Variants in BAHCC1 observed in about 807,000 individuals in gnomAD.
BAHCC1 encodes the protein BAH domain and coiled-coil containing 1, also known as BAH and coiled-coil domain-containing protein 1.
Under a neutral mutation model 88.2 loss-of-function variants are expected in BAHCC1, and 43 were observed. The ratio of observed to expected loss-of-function variants is 0.49; its 90% confidence interval spans 0.38 to 0.63. The LOEUF is 0.63. BAHCC1 is among the 20% of genes least tolerant of loss of function. BAHCC1 has a pLI of 0.00. For missense variants in BAHCC1, 3,023 were observed against 1,654.8 expected (o/e 1.83, Z -14.34); for synonymous variants, 1,510 against 745.5 (o/e 2.03, Z -16.71).
chr17:81,429,842 C>A (rs1362506887), intron 3 of BAHCC1, among the ~76,000 whole-genome samples: 1 of 152,168 alleles, frequency 6.6e-6, no homozygotes, highest in South Asian at 2.1e-4. Flanking sequence ...CCCCAGGAAC[C>A]CCCCATGCCA....
At chr17:81,449,109 C>T (rs577859800) in intron 11 of BAHCC1, among the ~76,000 whole-genome samples, 134 of 152,312 alleles carry the variant, frequency 8.8e-4, no homozygotes, top group Middle Eastern at 3.4e-3. Flanking sequence ...CCGTTCACTG[C>T]ATGAATACTC....
At chr17:81,419,787 GC>G (rs1458040671) in intron 2 of BAHCC1, among the ~76,000 whole-genome samples, 1 of 119,242 alleles carries the variant, frequency 8.4e-6, no homozygotes, top group Admixed American at 8.7e-5. Context: ...TCTCAACGAG[GC>G]GTTTTTTTTT....
chr17:81,415,845 T>C (rs1390562712), intron 2 of BAHCC1, among the ~76,000 whole-genome samples: 1 of 152,246 alleles, frequency 6.6e-6, no homozygotes, highest in African/African-American at 2.4e-5. Flanking sequence ...ACCCCAGCTC[T>C]GGGGGCTGCA....
chr17:81,406,812 G>C, intron 2 of BAHCC1: 4 of 448,526 alleles, frequency 8.9e-6, no homozygotes, highest in South Asian at 4.7e-5. Flanking sequence ...TTATGAGGTC[G>C]GCGCGGGGTT....
rs540045388 is a variant in BAHCC1 at position 81,463,923 on chromosome 17, A to T, written c.*106A>T. ...GGCAGCCCCGGCCTCCCAAGGGCGCATCTGAGCAAATATGCAAAAGCCCAC... is the reference window on the plus strand; with the variant it reads ...GGCAGCCCCGGCCTCCCAAGGGCGCTTCTGAGCAAATATGCAAAAGCCCAC... On this transcript the variant is annotated 3_prime_UTR_variant, in exon 28 of 28. Transcript: ENST00000675386. 2 of 661,556 alleles carry T rather than the reference A, an allele frequency of 3.0e-6. No homozygotes were observed. The highest frequency in any genetic ancestry group is 2.7e-5 in the East Asian group (1 of 36,780). 41.0% of individuals were successfully genotyped at this position (661,556 alleles called of 1,614,324 possible).
rs2030258477 is a variant in BAHCC1 at position 81,461,429 on chromosome 17, A to G, written c.6766A>G (p.Lys2256Glu). The part of the protein sequence containing the change: ...YVHPALVGKD[K>E]KGRAPIPPLP... ...GCACCCGGCCCTTGTGGGCAAGGACAAGAAGGGGCGGGCACCCATCCCCCC... is the reference window on the plus strand; with the variant it reads ...GCACCCGGCCCTTGTGGGCAAGGACGAGAAGGGGCGGGCACCCATCCCCCC... The change falls in exon 26 of 28, where the codon AAG becomes GAG. Residue 2256 changes from lysine (K) to glutamate (E), a missense_variant. Coordinates refer to ENST00000675386, the MANE Select transcript of BAHCC1 (RefSeq NM_001377448.1). 2.7e-6 allele frequency: 2 copies of G among 733,464 alleles called. No homozygotes were observed. Among genetic ancestry groups the G allele is most frequent in the East Asian group, 5.0e-5 (2 of 40,178 alleles). 45.4% of individuals were successfully genotyped at this position (733,464 alleles called of 1,614,324 possible).
At chr17:81,416,310 G>A (rs1343077569) in intron 2 of BAHCC1, among the ~76,000 whole-genome samples, 1 of 147,756 alleles carries the variant, frequency 6.8e-6, no homozygotes, top group African/African-American at 2.5e-5. Flanking sequence ...ATGAGGGTGG[G>A]TGTATGCGTG....
intron 23 of BAHCC1, 126 bp downstream of exon 23, chr17:81,459,730 C>G (rs11652589): frequency 1.8e-6 from 1 of 555,448 alleles, no homozygotes; most frequent in Non-Finnish European, 3.3e-6. Flanking sequence ...AGACAGAGTA[C>G]GACAATAAAA....
intron 2 of BAHCC1, among the ~76,000 whole-genome samples, chr17:81,417,285 T>A (rs2143319440): frequency 6.6e-6 from 1 of 151,954 alleles, no homozygotes. Context: ...GCCGAGGGAG[T>A]GGCGCTGACC....
rs1555645508 is a variant in BAHCC1, at chr17:81,399,294, C to T, written c.-206-240C>T. 1 of 309,700 alleles carries T rather than the reference C, an allele frequency of 3.2e-6. No homozygotes were observed. Among genetic ancestry groups the T allele is most frequent in the Non-Finnish European group, 6.6e-6 (1 of 151,064 alleles). The allele number at this position is 309,700 out of a possible 1,614,324, so 19.2% of individuals were successfully genotyped here. ...GAGCAGTGCGGCTGGGTTCCCCCGG[C>T]TGCCCCGGGCCAAGCGTGGCCGGGA... On this transcript the variant is annotated intron_variant, in intron 1 of 27. Transcript: ENST00000675386. The surrounding 1 kb of genome is among the most constrained non-coding windows in gnomAD (Gnocchi z 4.5).
chr17:81,398,898 G>GA lies in BAHCC1; in HGVS notation c.-206-635dup, dbSNP rs1264015359. On this transcript the variant is annotated intron_variant, in intron 1 of 27. Coordinates refer to ENST00000675386, the MANE Select transcript of BAHCC1 (RefSeq NM_001377448.1). ...CAGAAGAATGGGCCGAAAGATGCATGAGGGGGATGGGAGTGGGGAGAAAAG... is the reference window on the plus strand; with the variant it reads ...CAGAAGAATGGGCCGAAAGATGCATGAAGGGGGATGGGAGTGGGGAGAAAAG... Among the ~76,000 whole-genome samples, 3 of 151,688 alleles carry GA rather than the reference G, an allele frequency of 2.0e-5. No individual in the cohort carries two copies. The East Asian group carries it at 5.8e-4, about 29-fold the overall frequency.
intron 2 of BAHCC1, among the ~76,000 whole-genome samples, chr17:81,404,050 C>T (rs569784098): frequency 4.6e-5 from 7 of 152,228 alleles, no homozygotes; most frequent in Non-Finnish European, 7.3e-5. Context: ...GGAAAACGCG[C>T]GTCCCCCCAA....
At chr17:81,419,382 C>T (rs538638899) in intron 2 of BAHCC1, among the ~76,000 whole-genome samples, 3 of 152,280 alleles carry the variant, frequency 2.0e-5, no homozygotes, top group Admixed American at 6.5e-5. Flanking sequence ...TTCCTCCCCG[C>T]GCTTTCCCGG....
chr17:81,395,505 CGTT>C lies in BAHCC1; in HGVS notation c.-331_-329del, dbSNP rs1484613292. On this transcript the variant is annotated 5_prime_UTR_variant, in exon 1 of 28. Coordinates refer to ENST00000675386, the MANE Select transcript of BAHCC1 (RefSeq NM_001377448.1). The stretch of plus-strand genomic sequence containing the variant: ...CCGCTCTGGATGGGCTCGCTAGAGT[CGTT>C]GTTGTGGAAGCGGTGCATTTACAGT... 1.3e-5 allele frequency: 2 copies of C among 152,194 alleles called. No individual in the cohort carries two copies. The highest frequency in any genetic ancestry group is 2.4e-5 in the African/African-American group (1 of 41,442). The allele number at this position is 152,194 out of a possible 1,614,324, so 9.4% of individuals were successfully genotyped here. A position where few individuals can be genotyped will look rare whatever the true frequency, so the allele number is the denominator to read the frequency against.
At chr17:81,403,012 T>C (rs1358917777) in intron 2 of BAHCC1, 1 of 152,248 alleles carries the variant, frequency 6.6e-6, no homozygotes, top group Non-Finnish European at 1.5e-5. Context: ...TTGTCTCTAA[T>C]ACAGATGGTC....
intron 2 of BAHCC1, among the ~76,000 whole-genome samples, chr17:81,425,353 TGA>T (rs2064170715): frequency 1.5e-5 from 2 of 132,450 alleles, no homozygotes; most frequent in African/African-American, 2.9e-5. Context: ...TGGTTGGTGG[TGA>T]TAGTGGTGGG....
chr17:81,400,399 G>A (rs551203740), intron 2 of BAHCC1, among the ~76,000 whole-genome samples: 24 of 152,328 alleles, frequency 1.6e-4, no homozygotes, highest in African/African-American at 5.8e-4. Flanking sequence ...CGTTAATAGG[G>A]ACTGCTGGTG....
At chr17:81,397,300 G>GTGGGAGATTAAAA (rs1555645055) in intron 1 of BAHCC1, among the ~76,000 whole-genome samples, 2 of 152,024 alleles carry the variant, frequency 1.3e-5, no homozygotes, top group Non-Finnish European at 2.9e-5. Flanking sequence ...CCCGCAGGGG[G>GTGGGAGATTAAAA]TGGGAGATTA....
At chr17:81,433,616 A>G (rs1555651292) in intron 3 of BAHCC1, among the ~76,000 whole-genome samples, 1 of 144,596 alleles carries the variant, frequency 6.9e-6, no homozygotes, top group Admixed American at 6.8e-5. Flanking sequence ...GGCAGGTGTC[A>G]TCAGTCCACC....
Sources: gnomAD v4.1 joint callset for allele counts (sites outside exome capture counted in the v4.1 genomes callset) on GRCh38, gnomAD v4.1.1 for gene constraint, Gnocchi (gnomAD v3.1) non-coding constraint, MANE v1.5 for transcripts, NCBI Gene and HGNC (gene_info 2026-07-23, HGNC 2026-07-21) for gene names.